The following PTPRT variants were observed in gnomAD, a reference collection of about 807,000 sequenced individuals.
PTPRT encodes receptor-type tyrosine-protein phosphatase T.
PTPRT carries 56 observed loss-of-function variants against 176.8 expected under a neutral mutation model. That is an observed-to-expected ratio of 0.32 (90% confidence interval 0.26 to 0.40). The LOEUF is 0.40. Ranked by LOEUF, PTPRT falls within the 10% of genes least tolerant of loss-of-function variation. PTPRT has a pLI of 1.00. For missense variants in PTPRT, 1,540 were observed against 1,908.2 expected (o/e 0.81, Z 3.60); for synonymous variants, 783 against 739.0 (o/e 1.06, Z -0.96).
chr20:42,452,777 T>C lies in PTPRT; in HGVS notation c.1451-4448A>G, dbSNP rs572004886. Among the ~76,000 whole-genome samples the C allele has an allele frequency of 1.8e-3, 275 of 152,340 alleles. 1 individual carries two copies. Among genetic ancestry groups the C allele is most frequent in the Middle Eastern group, 6.8e-3 (2 of 294 alleles). ...CAGATGAATGGAAAGTACAGATGAA[T>C]AGTTGTTCTATAATTTATTTATTTT... On this transcript the variant is annotated intron_variant, in intron 8 of 30. Transcript: ENST00000373187.
intron 2 of PTPRT, among the ~76,000 whole-genome samples, chr20:42,883,422 C>T (rs1465770437): frequency 1.3e-5 from 2 of 151,938 alleles, no homozygotes; most frequent in Non-Finnish European, 2.9e-5. Flanking sequence ...AACATGGCCC[C>T]CCGGTTTCTG....
At chr20:42,417,600 G>T (rs1398784090) in intron 9 of PTPRT, among the ~76,000 whole-genome samples, 1 of 149,018 alleles carries the variant, frequency 6.7e-6, no homozygotes, top group Non-Finnish European at 1.5e-5. Flanking sequence ...GAAAAATAAT[G>T]AAATAAAAAA....
intron 7 of PTPRT, among the ~76,000 whole-genome samples, chr20:42,641,625 T>A (rs1428655925): frequency 6.6e-6 from 1 of 152,078 alleles, no homozygotes; most frequent in African/African-American, 2.4e-5. Context: ...GGGAGCCAGA[T>A]TAAGGCTGAA....
chr20:42,420,996 C>T (rs1361444433), intron 9 of PTPRT, among the ~76,000 whole-genome samples: 1 of 152,144 alleles, frequency 6.6e-6, no homozygotes, highest in East Asian at 1.9e-4. Flanking sequence ...AAAGCTCCAA[C>T]CTTGCCCTAA....
intron 7 of PTPRT, among the ~76,000 whole-genome samples, chr20:42,549,040 C>T (rs2072723125): frequency 6.6e-6 from 1 of 152,126 alleles, no homozygotes; most frequent in Non-Finnish European, 1.5e-5. Flanking sequence ...TTTTGCAAAA[C>T]AATCTGTTAT....
chr20:42,993,113 C>T (rs774558017), intron 1 of PTPRT, among the ~76,000 whole-genome samples: 6 of 151,966 alleles, frequency 3.9e-5, no homozygotes, highest in Admixed American at 6.5e-5. Flanking sequence ...GAAAAGCACA[C>T]GGAACAGAAA....
intron 1 of PTPRT, among the ~76,000 whole-genome samples, chr20:42,986,067 C>A (rs952419840): frequency 2.2e-4 from 33 of 152,266 alleles, no homozygotes; most frequent in African/African-American, 7.2e-4. Context: ...TCATCTCTAT[C>A]GATCATTCAT....
intron 7 of PTPRT, among the ~76,000 whole-genome samples, chr20:42,653,403 T>C (rs1225885712): frequency 6.6e-6 from 1 of 152,238 alleles, no homozygotes; most frequent in African/African-American, 2.4e-5. Flanking sequence ...ACACCTTCAG[T>C]CTTGTATGGC....
intron 7 of PTPRT, among the ~76,000 whole-genome samples, chr20:42,664,461 A>G (rs1320254092): frequency 6.6e-6 from 1 of 152,164 alleles, no homozygotes; most frequent in East Asian, 1.9e-4. Flanking sequence ...CTCTCCCAAT[A>G]AAAGAATGAT....
intron 1 of PTPRT, among the ~76,000 whole-genome samples, chr20:42,936,579 ATGGG>A: frequency 6.6e-6 from 1 of 152,176 alleles, no homozygotes; most frequent in Admixed American, 6.5e-5. Flanking sequence ...CCTCTTGACT[ATGGG>A]GTGGAAGACC....
intron 7 of PTPRT, among the ~76,000 whole-genome samples, chr20:42,674,437 G>T (rs1165607631): frequency 1.1e-4 from 16 of 152,116 alleles, no homozygotes; most frequent in Admixed American, 1.0e-3. Context: ...ATCATCTTGC[G>T]ATTGAATTTC....
chr20:42,668,909 A>G (rs1455002613), intron 7 of PTPRT, among the ~76,000 whole-genome samples: 3 of 118,324 alleles, frequency 2.5e-5, no homozygotes, highest in African/African-American at 1.0e-4. Context: ...ATGGGGTTTC[A>G]CTGTGTTGGC....
intron 6 of PTPRT, among the ~76,000 whole-genome samples, chr20:42,679,312 C>G (rs1477237234): frequency 6.7e-6 from 1 of 149,662 alleles, no homozygotes; most frequent in Non-Finnish European, 1.5e-5. Flanking sequence ...AAAAAAAAAA[C>G]TGACAACCTA....
intron 7 of PTPRT, among the ~76,000 whole-genome samples, chr20:42,539,424 C>G (rs1174117036): frequency 6.7e-6 from 1 of 149,742 alleles, no homozygotes; most frequent in Non-Finnish European, 1.5e-5. Context: ...AATGGGAAAC[C>G]ATCACTTTCT....
chr20:42,642,356 C>A (rs2074776349), intron 7 of PTPRT, among the ~76,000 whole-genome samples: 1 of 152,168 alleles, frequency 6.6e-6, no homozygotes, highest in Non-Finnish European at 1.5e-5. Flanking sequence ...CTGATCCTTA[C>A]TAGTTGTGGG....
intron 7 of PTPRT, among the ~76,000 whole-genome samples, chr20:42,489,190 G>T (rs572132226): frequency 1.3e-5 from 2 of 151,544 alleles, no homozygotes; most frequent in African/African-American, 4.8e-5. Flanking sequence ...TTATTTTTTT[G>T]AAATGTCTCC....
At chr20:42,940,083 C>A (rs1261144059) in intron 1 of PTPRT, among the ~76,000 whole-genome samples, 1 of 152,100 alleles carries the variant, frequency 6.6e-6, no homozygotes, top group African/African-American at 2.4e-5. Flanking sequence ...AAAATATAAT[C>A]CCCCCAGGAG....
intron 1 of PTPRT, among the ~76,000 whole-genome samples, chr20:42,985,604 G>A (rs1983528187): frequency 6.6e-6 from 1 of 152,176 alleles, no homozygotes; most frequent in African/African-American, 2.4e-5. Flanking sequence ...GGGGGTAGGG[G>A]TGGGAAACAG....
chr20:42,222,903 G>A (rs892974596), intron 15 of PTPRT, among the ~76,000 whole-genome samples: 1 of 152,170 alleles, frequency 6.6e-6, no homozygotes, highest in African/African-American at 2.4e-5. Flanking sequence ...GCTTGTGACT[G>A]GTGTCTTGGG....
Sources: gnomAD v4.1 joint callset for allele counts (sites outside exome capture counted in the v4.1 genomes callset) on GRCh38, gnomAD v4.1.1 for gene constraint, MANE v1.5 for transcripts, NCBI Gene and HGNC (gene_info 2026-07-23, HGNC 2026-07-21) for gene names.